The following CSMD1 variants were observed in gnomAD, a reference collection of about 807,000 sequenced individuals.
CSMD1 encodes CUB and Sushi multiple domains 1, also known as CUB and sushi domain-containing protein 1.
Under a neutral mutation model 417.5 loss-of-function variants are expected in CSMD1, and 213 were observed. That is an observed-to-expected ratio of 0.51 (90% CI 0.46 to 0.57). CSMD1 has a LOEUF of 0.57. CSMD1 is among the 20% of genes least tolerant of loss of function. CSMD1 has a pLI of 0.00. For missense variants in CSMD1, 6,923 were observed against 4,529.7 expected, an observed-to-expected ratio of 1.53 and a Z score of -15.17; for synonymous variants, 2,862 against 1,736.8, an observed-to-expected ratio of 1.65 and a Z score of -16.11.
chr8:4,593,733 A>C (rs752928262), intron 2 of CSMD1, among the ~76,000 whole-genome samples: 8 of 152,204 alleles, frequency 5.3e-5, no homozygotes, highest in Non-Finnish European at 1.0e-4. Flanking sequence ...TTTTTCCAAC[A>C]ATTCCTAGCT....
At chr8:4,563,217 C>T (rs1261902196) in intron 2 of CSMD1, among the ~76,000 whole-genome samples, 4 of 151,968 alleles carry the variant, frequency 2.6e-5, no homozygotes, top group Non-Finnish European at 4.4e-5. Flanking sequence ...CTGGCTAACA[C>T]GGTGAAACCC....
At chr8:4,293,674 A>G (rs963631339) in intron 3 of CSMD1, among the ~76,000 whole-genome samples, 5 of 152,180 alleles carry the variant, frequency 3.3e-5, no homozygotes, top group Admixed American at 3.3e-4. Flanking sequence ...ATAAATAATA[A>G]CAATCATATC....
At chr8:3,367,796 A>C (rs1382274440) in intron 19 of CSMD1, among the ~76,000 whole-genome samples, 1 of 152,238 alleles carries the variant, frequency 6.6e-6, no homozygotes, top group Non-Finnish European at 1.5e-5. Context: ...ATATTGGCAT[A>C]GATATGTATA....
intron 1 of CSMD1, among the ~76,000 whole-genome samples, chr8:4,963,763 T>C (rs1809672502): frequency 6.6e-6 from 1 of 152,136 alleles, no homozygotes; most frequent in Admixed American, 6.5e-5. Context: ...CTTAACAAAA[T>C]AACATGACTT....
chr8:4,374,245 C>T (rs66537471), intron 3 of CSMD1, among the ~76,000 whole-genome samples: 1,686 of 152,208 alleles, frequency 0.011, 33 homozygotes, highest in African/African-American at 0.038. Context: ...ATCACCATCA[C>T]TAACGTGTGA....
chr8:3,998,663 A>C (rs746315653), intron 4 of CSMD1, among the ~76,000 whole-genome samples: 2 of 152,198 alleles, frequency 1.3e-5, no homozygotes, highest in African/African-American at 4.8e-5. Context: ...AAACAGTTAC[A>C]TGAAACTTAA....
chr8:4,505,653 A>G (rs1192998182), intron 2 of CSMD1, among the ~76,000 whole-genome samples: 9 of 152,164 alleles, frequency 5.9e-5, no homozygotes, highest in Admixed American at 2.0e-4. Context: ...CTTGCAGTCC[A>G]GTGTCCATGT....
At chr8:3,969,076 G>A (rs769915283) in intron 5 of CSMD1, among the ~76,000 whole-genome samples, 1 of 152,034 alleles carries the variant, frequency 6.6e-6, no homozygotes, top group African/African-American at 2.4e-5. Flanking sequence ...CATGGTGCAA[G>A]CACATCTCTA....
At chr8:4,969,548 A>G (rs894498422) in intron 1 of CSMD1, among the ~76,000 whole-genome samples, 2 of 151,598 alleles carry the variant, frequency 1.3e-5, no homozygotes, top group African/African-American at 4.8e-5. Flanking sequence ...AGGAAATAAT[A>G]TTACTCTTAT....
In CSMD1 at chr8:3,284,306, T is replaced by C. The variant is rs770627733; in HGVS notation, c.3991A>G (p.Ile1331Val). 1.2e-6 allele frequency: 2 copies of C among 1,613,916 alleles called. No individual in the cohort carries two copies. The highest frequency in any genetic ancestry group is 1.7e-6 in the Non-Finnish European group (2 of 1,179,874). Residue 1331 changes from isoleucine to valine, a missense_variant, in exon 26 of 70, where the codon ATC (isoleucine) becomes GTC (valine). Physicochemically the swap from Ile to Val is conservative, Grantham distance 29 (BLOSUM62 3). Coordinates refer to ENST00000635120, the MANE Select transcript of CSMD1 (RefSeq NM_033225.6). ...IVFDTEMAHDILKVWDGPVDS... is the reference protein window; with the variant it reads ...IVFDTEMAHDVLKVWDGPVDS... ...ACCGGCCCGTCCCAGACCTTGAGGA[T>C]GTCGTGAGCCATCTCCGTGTCGAAA...
intron 12 of CSMD1, among the ~76,000 whole-genome samples, chr8:3,416,755 A>G (rs1025996412): frequency 1.3e-5 from 2 of 152,146 alleles, no homozygotes; most frequent in African/African-American, 4.8e-5. Context: ...CAGCTAGTAC[A>G]GAACTCACTG....
At chr8:3,623,069 G>A in intron 7 of CSMD1, among the ~76,000 whole-genome samples, 1 of 152,060 alleles carries the variant, frequency 6.6e-6, no homozygotes, top group Admixed American at 6.5e-5. Context: ...TCAATAGATT[G>A]GTTCATTACA....
chr8:3,860,367 T>C (rs1804615181), intron 5 of CSMD1, among the ~76,000 whole-genome samples: 1 of 152,184 alleles, frequency 6.6e-6, no homozygotes, highest in Non-Finnish European at 1.5e-5. Flanking sequence ...CATTTTTATT[T>C]TATGATATAT....
intron 1 of CSMD1, among the ~76,000 whole-genome samples, chr8:4,917,596 T>C (rs1209478902): frequency 6.6e-6 from 1 of 152,180 alleles, no homozygotes; most frequent in East Asian, 1.9e-4. Context: ...ATCATGCCAC[T>C]GCACTCCAGC....
At chr8:4,033,901 C>G (rs1356492698) in intron 3 of CSMD1, among the ~76,000 whole-genome samples, 1 of 152,116 alleles carries the variant, frequency 6.6e-6, no homozygotes, top group East Asian at 1.9e-4. Flanking sequence ...TCATTGTTGG[C>G]TATTGTATCC....
intron 3 of CSMD1, among the ~76,000 whole-genome samples, chr8:4,280,858 G>C (rs1796743934): frequency 6.6e-6 from 1 of 152,074 alleles, no homozygotes; most frequent in Non-Finnish European, 1.5e-5. Flanking sequence ...TCTACTTCCT[G>C]TAAACATACA....
In CSMD1 at chr8:4,564,141, C is replaced by G. The variant is rs547291083; in HGVS notation, c.302+73201G>C. Among the ~76,000 whole-genome samples, 3 of 152,216 alleles carry G rather than the reference C, an allele frequency of 2.0e-5. No homozygotes were observed. In the South Asian group the frequency reaches 6.2e-4, roughly 32 times the overall value. On this transcript the variant is annotated intron_variant, in intron 2 of 69. Coordinates refer to ENST00000635120, the MANE Select transcript of CSMD1 (RefSeq NM_033225.6). ...ATATTTATATTCTATAAAATGAACA[C>G]GTATAAAAGGTTCAGAAGATAATGG...
At chr8:4,573,659 G>C (rs557536998) in intron 2 of CSMD1, among the ~76,000 whole-genome samples, 31 of 152,220 alleles carry the variant, frequency 2.0e-4, no homozygotes, top group African/African-American at 7.0e-4. Context: ...TGTGGTAGGA[G>C]ATCTGCTGCT....
chr8:4,408,046 A>T (rs1796424864), intron 3 of CSMD1, among the ~76,000 whole-genome samples: 1 of 152,110 alleles, frequency 6.6e-6, no homozygotes, highest in East Asian at 1.9e-4. Context: ...CCCCTCCCCA[A>T]ATGTAGCTTT....
Sources: gnomAD v4.1 joint callset for allele counts (sites outside exome capture counted in the v4.1 genomes callset) on GRCh38, gnomAD v4.1.1 for gene constraint, MANE v1.5 for transcripts, NCBI Gene and HGNC (gene_info 2026-07-23, HGNC 2026-07-21) for gene names.